TRIM71: variants seen among roughly 807,000 people sequenced by gnomAD.
The protein encoded by TRIM71 is E3 ubiquitin-protein ligase TRIM71.
TRIM71 carries 9 observed loss-of-function variants against 61.2 expected under a neutral mutation model. That is an observed-to-expected ratio of 0.15 (90% CI 0.09 to 0.26). The LOEUF (loss-of-function observed/expected upper bound fraction) is 0.26, where lower values mean the gene tolerates loss of function less well. TRIM71 is among the 10% of genes least tolerant of loss of function. The probability of loss-of-function intolerance (pLI) is 1.00; values close to 1 mark genes in which losing one functional copy is unlikely to be tolerated. For missense variants in TRIM71, 998 were observed against 1,238.7 expected (o/e 0.81, Z 2.92); for synonymous variants, 645 against 553.2 (o/e 1.17, Z -2.33).
At position 32,895,643 on chromosome 3, in the gene TRIM71, C is replaced by A. The variant is rs1697069399; in HGVS notation, c.*3832C>A. 1 of 152,106 alleles carries A rather than the reference C, an allele frequency of 6.6e-6. No homozygotes were observed. Among genetic ancestry groups the A allele is most frequent in the Admixed American group, 6.6e-5 (1 of 15,258 alleles). 9.4% of individuals were successfully genotyped at this position (152,106 alleles called of 1,614,324 possible). On this transcript the variant is annotated 3_prime_UTR_variant, in exon 4 of 4. Transcript: ENST00000383763. ...TATGTTTAAGGTATATTTAAAACATCACTCTGAATGAGTTTCCAACAGTCT... is the reference window on the plus strand; with the variant it reads ...TATGTTTAAGGTATATTTAAAACATAACTCTGAATGAGTTTCCAACAGTCT...
chr3:32,878,099 GTTTA>G (rs1696869547), intron 2 of TRIM71, among the ~76,000 whole-genome samples: 1 of 152,214 alleles, frequency 6.6e-6, no homozygotes, highest in East Asian at 1.9e-4. Context: ...GCCTTACGAA[GTTTA>G]TTTGTTAAAT....
rs10630076 is a variant in TRIM71 at position 32,891,852 on chromosome 3, G to GTCTCTCTCTCTC, written c.*51_*62dup. 2 of 1,439,948 alleles carry GTCTCTCTCTCTC rather than the reference G, an allele frequency of 1.4e-6. No individual in the cohort carries two copies. The highest frequency in any genetic ancestry group is 9.4e-7 in the Non-Finnish European group (1 of 1,065,132). The allele number at this position is 1,439,948 out of a possible 1,614,324, so 89.2% of individuals were successfully genotyped here. On this transcript the variant is annotated 3_prime_UTR_variant, in exon 4 of 4. Coordinates refer to ENST00000383763, the MANE Select transcript of TRIM71 (RefSeq NM_001039111.3). This position sits in a 1 kb window ranked among gnomAD's most constrained non-coding sequence, Gnocchi z 8.2. ...TTCTGTGTTTGGGGTGTGTGTGCGT[G>GTCTCTCTCTCTC]TCTCTCTCTCTCTCTCTCTCTTTCT...
At chr3:32,868,614 C>G (rs933840490) in intron 1 of TRIM71, among the ~76,000 whole-genome samples, 3 of 149,550 alleles carry the variant, frequency 2.0e-5, no homozygotes, top group African/African-American at 7.4e-5. Context: ...TCTTAAAAAA[C>G]TAAGTTACGC....
intron 1 of TRIM71, among the ~76,000 whole-genome samples, chr3:32,824,524 A>G (rs912727234): frequency 6.9e-6 from 1 of 144,104 alleles, no homozygotes; most frequent in Admixed American, 6.9e-5. Flanking sequence ...GCTGAGTCTC[A>G]CTCATCCCAG....
At chr3:32,829,907 A>G (rs1368914286) in intron 1 of TRIM71, among the ~76,000 whole-genome samples, 1 of 150,640 alleles carries the variant, frequency 6.6e-6, no homozygotes. Flanking sequence ...GCTTAATACT[A>G]AATTTACTGC....
Position 32,896,326 on chromosome 3 carries a change from G to A in TRIM71, c.*4515G>A, listed in dbSNP as rs1056757555. 6 of 152,198 alleles carry A rather than the reference G, an allele frequency of 3.9e-5. No individual in the cohort carries two copies. Among genetic ancestry groups the A allele is most frequent in the African/African-American group, 7.2e-5 (3 of 41,468 alleles). The allele number at this position is 152,198 out of a possible 1,614,324, so 9.4% of individuals were successfully genotyped here. Reference sequence around the variant, plus strand: ...TGTAGCTCTCTGGACCCGGCAGGACGTTCATCACCATGATGTTGCAACAAT... The same window carrying A: ...TGTAGCTCTCTGGACCCGGCAGGACATTCATCACCATGATGTTGCAACAAT... On this transcript the variant is annotated 3_prime_UTR_variant, in exon 4 of 4. Coordinates refer to ENST00000383763, the MANE Select transcript of TRIM71 (RefSeq NM_001039111.3).
chr3:32,842,125 T>C (rs1696413921), intron 1 of TRIM71, among the ~76,000 whole-genome samples: 1 of 152,220 alleles, frequency 6.6e-6, no homozygotes, highest in Non-Finnish European at 1.5e-5. Context: ...CTCTCAGTGC[T>C]GGTCCTCATA....
chr3:32,852,126 C>T (rs761801222), intron 1 of TRIM71, among the ~76,000 whole-genome samples: 13 of 152,120 alleles, frequency 8.5e-5, no homozygotes, highest in Non-Finnish European at 1.6e-4. Flanking sequence ...GGTCGGTCCT[C>T]GGCCTTGGAC....
intron 1 of TRIM71, among the ~76,000 whole-genome samples, chr3:32,871,173 T>C (rs1331150985): frequency 6.6e-6 from 1 of 152,168 alleles, no homozygotes; most frequent in Non-Finnish European, 1.5e-5. Context: ...AGGCCCCTTT[T>C]GTTTCACAGA....
chr3:32,891,270 A>G lies in TRIM71; in HGVS notation c.2066A>G (p.Lys689Arg). Residue 689 changes from lysine (K) to arginine (R), a missense_variant, in exon 4 of 4, where the codon AAG becomes AGG. Physicochemically the swap from Lys to Arg is conservative, Grantham distance 26. Around this residue, in one of 5 missense-constraint regions of TRIM71, gnomAD observed 83 missense variants for 202.7 expected, o/e 0.41. Transcript: ENST00000383763. The surrounding 1 kb of genome is among the most constrained non-coding windows in gnomAD (Gnocchi z 8.2). ...ACGTTCGAGGGCCAGTTCCTCCTCA[A>G]GTTTGGTGAGAAAGGAACCAAGAAT... ...IFTFEGQFLL[K>R]FGEKGTKNGQ... 1 of 1,613,868 alleles carries G rather than the reference A, an allele frequency of 6.2e-7. No individual in the cohort carries two copies. Among genetic ancestry groups the G allele is most frequent in the Non-Finnish European group, 8.5e-7 (1 of 1,179,876 alleles).
At chr3:32,840,226 C>T (rs754975498) in intron 1 of TRIM71, among the ~76,000 whole-genome samples, 11 of 151,658 alleles carry the variant, frequency 7.3e-5, no homozygotes, top group South Asian at 2.1e-4. Context: ...CTTTTCCCCA[C>T]CCCCCTTCCC....
chr3:32,845,892 TG>T (rs1696467948), intron 1 of TRIM71, among the ~76,000 whole-genome samples: 1 of 151,062 alleles, frequency 6.6e-6, no homozygotes, highest in African/African-American at 2.4e-5. Context: ...GGCTAATTTT[TG>T]TATTTTTAGT....
chr3:32,883,782 T>C (rs929455661), intron 2 of TRIM71, among the ~76,000 whole-genome samples: 1 of 152,242 alleles, frequency 6.6e-6, no homozygotes, highest in African/African-American at 2.4e-5. Flanking sequence ...CTGCTAATTG[T>C]TCTGCTAAAT....
chr3:32,847,190 A>ATTTT lies in TRIM71; in HGVS notation c.853-26608_853-26605dup, dbSNP rs35654776. Among the ~76,000 whole-genome samples the ATTTT allele has an allele frequency of 1.2e-3, 128 of 107,104 alleles. 1 individual carries two copies. Among genetic ancestry groups the ATTTT allele is most frequent in the African/African-American group, 4.4e-3 (119 of 27,324 alleles). 70.3% of individuals were successfully genotyped at this position (107,104 alleles called of 152,430 possible). A position where few individuals can be genotyped will look rare whatever the true frequency, so the allele number is the denominator to read the frequency against. ...CAGGCTCTCGCCGCCAGGTCCAGCA[A>ATTTT]TTTTTTTTTTTTTTTTTTTTTTTGA... On this transcript the variant is annotated intron_variant, in intron 1 of 3. Coordinates refer to ENST00000383763, the MANE Select transcript of TRIM71 (RefSeq NM_001039111.3).
chr3:32,882,767 C>T (rs1374790143), intron 2 of TRIM71, among the ~76,000 whole-genome samples: 1 of 152,132 alleles, frequency 6.6e-6, no homozygotes, highest in Non-Finnish European at 1.5e-5. Context: ...ATCTCAAACT[C>T]GTGGGCTTAA....
intron 1 of TRIM71, among the ~76,000 whole-genome samples, chr3:32,848,929 A>T (rs1696507391): frequency 6.6e-6 from 1 of 151,910 alleles, no homozygotes; most frequent in Non-Finnish European, 1.5e-5. Flanking sequence ...CCAATCCCTC[A>T]CCCCTATTCA....
chr3:32,835,421 A>G (rs1696323596), intron 1 of TRIM71, among the ~76,000 whole-genome samples: 1 of 152,236 alleles, frequency 6.6e-6, no homozygotes, highest in Non-Finnish European at 1.5e-5. Flanking sequence ...AGAAAAGAGG[A>G]ACCCGGATCA....
chr3:32,865,976 G>A (rs989097094), intron 1 of TRIM71, among the ~76,000 whole-genome samples: 5 of 151,582 alleles, frequency 3.3e-5, no homozygotes, highest in African/African-American at 4.9e-5. Flanking sequence ...ACTGATGCCC[G>A]TCACTACGCC....
chr3:32,883,594 C>T (rs1696931356), intron 2 of TRIM71, among the ~76,000 whole-genome samples: 1 of 152,210 alleles, frequency 6.6e-6, no homozygotes, highest in Non-Finnish European at 1.5e-5. Flanking sequence ...TCTACTATAA[C>T]CTCATCTTAG....
Sources: allele counts gnomAD v4.1 joint callset (sites outside exome capture counted in the v4.1 genomes callset), GRCh38; gene constraint gnomAD v4.1.1; regional missense constraint gnomAD v4.1.1; non-coding constraint Gnocchi (gnomAD v3.1); transcripts MANE v1.5; gene names NCBI Gene and HGNC (gene_info 2026-07-23, HGNC 2026-07-21).